CIP2A: variants seen among roughly 807,000 people sequenced by gnomAD.
The protein encoded by CIP2A is cellular inhibitor of PP2A.
A neutral mutation model predicts 110.9 loss-of-function variants in CIP2A; 103 were observed. The observed-to-expected ratio is 0.93, with a 90% CI of 0.79 to 1.09. The LOEUF (loss-of-function observed/expected upper bound fraction) is 1.09. CIP2A is among the 50% of genes least tolerant of loss of function. The probability of loss-of-function intolerance (pLI) is 0.00; values close to 1 mark genes in which losing one functional copy is unlikely to be tolerated. For synonymous variants in CIP2A, 381 were observed against 361.6 expected (o/e 1.05, Z -0.61); for missense variants, 1,088 against 1,038.4 (o/e 1.05, Z -0.66).
At chr3:108,585,573 A>G (rs1286527625) in intron 1 of CIP2A, 1 of 408,122 alleles carries the variant, frequency 2.5e-6, no homozygotes, top group African/African-American at 2.1e-5. Flanking sequence ...CCTTCACACT[A>G]CATTGAACAT....
intron 1 of CIP2A, 96 bp from the exon 2 acceptor site, chr3:108,585,308 T>C: frequency 8.9e-7 from 1 of 1,120,482 alleles, no homozygotes; most frequent in Non-Finnish European, 1.3e-6. Flanking sequence ...AAAGTGCCAC[T>C]GCTACCTTCC....
At chr3:108,564,947 TCA>T (rs906717502) in intron 12 of CIP2A, among the ~76,000 whole-genome samples, 6 of 151,846 alleles carry the variant, frequency 4.0e-5, no homozygotes, top group African/African-American at 1.4e-4. Context: ...CTTCTAATTA[TCA>T]CAATCCTTTT....
chr3:108,568,829 A>T (rs1274918973), intron 9 of CIP2A, among the ~76,000 whole-genome samples: 1 of 151,924 alleles, frequency 6.6e-6, no homozygotes, highest in African/African-American at 2.4e-5. Flanking sequence ...TGTGTGTAAG[A>T]CCCAGTTATG....
chr3:108,586,568 T>C (rs1391701049), intron 1 of CIP2A, among the ~76,000 whole-genome samples: 1 of 152,208 alleles, frequency 6.6e-6, no homozygotes, highest in Non-Finnish European at 1.5e-5. Context: ...TAATAACTAA[T>C]ACTTATACAG....
intron 17 of CIP2A, among the ~76,000 whole-genome samples, chr3:108,554,903 T>C (rs999560786): frequency 3.3e-5 from 5 of 152,352 alleles, no homozygotes; most frequent in African/African-American, 1.2e-4. Context: ...AGTAATACTT[T>C]GATACTCAAC....
intron 11 of CIP2A, 22 bp from the exon 12 acceptor site, chr3:108,565,476 A>C: frequency 7.4e-7 from 1 of 1,346,624 alleles, no homozygotes; most frequent in African/African-American, 1.5e-5. Flanking sequence ...AATCACATTT[A>C]AATTAGATAA....
Position 108,585,151 on chromosome 3 carries a change from C to T in CIP2A, c.164G>A (p.Cys55Tyr), listed in dbSNP as rs1409413052. ...FTSNQILTSE[C>Y]LSCLVELLED... ...AAGTAGCTCTACAAGGCAACTCAAG[C>T]ATTCACTTGTTAATATCTGATTTGA... is the stretch of plus-strand genomic sequence containing the variant. The change falls in exon 2 of 21, where the codon TGC becomes TAC. Residue 55 changes from cysteine (C) to tyrosine (Y), a missense_variant. Transcript: ENST00000295746. The T allele has an allele frequency of 1.7e-5, 27 of 1,613,162 alleles. No individual in the cohort carries two copies. Among genetic ancestry groups the T allele is most frequent in the Non-Finnish European group, 2.3e-5 (27 of 1,179,224 alleles).
chr3:108,589,272 AC>A lies in CIP2A; in HGVS notation c.102+1del. On this transcript the variant is annotated splice_donor_variant, in intron 1 of 20. Transcript: ENST00000295746. LOFTEE classifies it high-confidence loss of function. ...TCTGTCCTCTACCCCAGAGCCTCTC[AC>A]CTCCAAGTGCCGCAAAAGCTGAGTG... is the stretch of plus-strand genomic sequence containing the variant. 1.2e-6 allele frequency: 2 copies of A among 1,611,996 alleles called. No individual in the cohort carries two copies. Among genetic ancestry groups the A allele is most frequent in the African/African-American group, 2.7e-5 (2 of 74,984 alleles).
chr3:108,570,535 C>T (rs1166307513), intron 8 of CIP2A, among the ~76,000 whole-genome samples: 4 of 151,998 alleles, frequency 2.6e-5, no homozygotes, highest in African/African-American at 9.7e-5. Context: ...CCGTGGGCTA[C>T]AAAACTGTAC....
At chr3:108,587,490 G>C (rs1296838448) in intron 1 of CIP2A, among the ~76,000 whole-genome samples, 5 of 152,190 alleles carry the variant, frequency 3.3e-5, no homozygotes, top group Non-Finnish European at 5.9e-5. Flanking sequence ...TATGGGGCTA[G>C]AAATGTTCTG....
In CIP2A at chr3:108,575,564, G is replaced by A. The variant is rs1470347307; in HGVS notation, c.894+707C>T. On this transcript the variant is annotated intron_variant, in intron 8 of 20. Coordinates refer to ENST00000295746, the MANE Select transcript of CIP2A (RefSeq NM_020890.3). ...CTCATATACATGTGTATATATACGT[G>A]TATATATACTCATATACATGTGTAT... Among the ~76,000 whole-genome samples the A allele has an allele frequency of 1.8e-4, 24 of 136,650 alleles. 3 individuals are homozygous for A. Among genetic ancestry groups the A allele is most frequent in the South Asian group, 1.3e-3 (6 of 4,592 alleles). 89.6% of individuals were successfully genotyped at this position (136,650 alleles called of 152,430 possible). A position where few individuals can be genotyped will look rare whatever the true frequency, so the allele number is the denominator to read the frequency against.
intron 3 of CIP2A, among the ~76,000 whole-genome samples, chr3:108,582,445 G>A (rs1433186459): frequency 6.6e-6 from 1 of 152,168 alleles, no homozygotes; most frequent in East Asian, 1.9e-4. Context: ...CTTGAATGCA[G>A]TTTGAAACAC....
intron 2 of CIP2A, 116 bp downstream of exon 2, chr3:108,584,949 A>T (rs1033602535): frequency 3.3e-6 from 3 of 905,992 alleles, no homozygotes; most frequent in Non-Finnish European, 4.9e-6. Flanking sequence ...TGCACACTAG[A>T]CTGAGAAGTC....
intron 8 of CIP2A, among the ~76,000 whole-genome samples, chr3:108,576,004 T>C (rs548207647): frequency 1.1e-4 from 16 of 151,120 alleles, no homozygotes; most frequent in East Asian, 3.9e-4. Flanking sequence ...GTCAGTATAG[T>C]GGTTATAGCA....
At chr3:108,577,476 A>T (rs1427594926) in intron 7 of CIP2A, among the ~76,000 whole-genome samples, 1 of 152,212 alleles carries the variant, frequency 6.6e-6, no homozygotes, top group Non-Finnish European at 1.5e-5. Flanking sequence ...GTATAAACAT[A>T]GGTACGTTTG....
intron 8 of CIP2A, among the ~76,000 whole-genome samples, chr3:108,574,236 G>T (rs1346980121): frequency 6.6e-6 from 1 of 151,980 alleles, no homozygotes; most frequent in East Asian, 1.9e-4. Context: ...CATACAAATG[G>T]CCAATGAATA....
chr3:108,565,494 AT>A, intron 11 of CIP2A, 40 bp from the exon 12 acceptor site: 1 of 1,118,248 alleles, frequency 8.9e-7, no homozygotes, highest in Non-Finnish European at 1.3e-6. Flanking sequence ...TAACTGAAAA[AT>A]TTCTTAGAGC....
At chr3:108,557,619 A>G (rs1008088431) in intron 16 of CIP2A, among the ~76,000 whole-genome samples, 1 of 152,086 alleles carries the variant, frequency 6.6e-6, no homozygotes, top group African/African-American at 2.4e-5. Context: ...ATTATCTGAT[A>G]AAAACAATCT....
intron 1 of CIP2A, among the ~76,000 whole-genome samples, chr3:108,587,485 G>A (rs1291375719): frequency 6.6e-6 from 1 of 152,024 alleles, no homozygotes; most frequent in African/African-American, 2.4e-5. Context: ...AACCCTATGG[G>A]GCTAGAAATG....
Sources: allele counts gnomAD v4.1 joint callset (sites outside exome capture counted in the v4.1 genomes callset), GRCh38; gene constraint gnomAD v4.1.1; transcripts MANE v1.5; gene names NCBI Gene and HGNC (gene_info 2026-07-23, HGNC 2026-07-21).